MASP2: variants seen among roughly 807,000 people sequenced by gnomAD.
MASP2 encodes the protein MBL associated serine protease 2.
Under a neutral mutation model 57.1 loss-of-function variants are expected in MASP2, and 49 were observed. The observed-to-expected ratio is 0.86, with a 90% confidence interval of 0.68 to 1.09. MASP2 has a LOEUF of 1.09. MASP2 is among the 50% of genes least tolerant of loss of function. The pLI is 0.00. For synonymous variants in MASP2, 379 were observed against 340.8 expected, an observed-to-expected ratio of 1.11 and a Z score of -1.24; for missense variants, 900 against 874.8, an observed-to-expected ratio of 1.03 and a Z score of -0.36.
At chr1:11,034,477 C>G (rs551986372) in intron 8 of MASP2, among the ~76,000 whole-genome samples, 1 of 150,388 alleles carries the variant, frequency 6.6e-6, no homozygotes, top group African/African-American at 2.4e-5. Flanking sequence ...ACCGGTGGAT[C>G]ACTTGAGGTC....
Position 11,047,049 on chromosome 1 carries a change from C to T in MASP2, c.76G>A (p.Val26Met), listed in dbSNP as rs1362439394. ...CCGGGGGATGCCAGGCGCCCGAACA[C>T]AGGTTCAGGCCACTTCGGGCCCAAG... is the stretch of plus-strand genomic sequence containing the variant. ...TPLGPKWPEPVFGRLASPGFP... is the reference protein window; with the variant it reads ...TPLGPKWPEPMFGRLASPGFP... The change falls in exon 2 of 11, where the codon GTG (valine) becomes ATG (methionine). Residue 26 changes from valine to methionine, a missense_variant. Val to Met is a conservative substitution (Grantham distance 21). Coordinates refer to ENST00000400897, the MANE Select transcript of MASP2 (RefSeq NM_006610.4). The T allele has an allele frequency of 1.9e-6, 3 of 1,550,946 alleles. No individual in the cohort carries two copies. Among genetic ancestry groups the T allele is most frequent in the Admixed American group, 2.0e-5 (1 of 51,018 alleles).
At chr1:11,033,955 ACACACACACACTCTCT>A (rs1487969013) in intron 8 of MASP2, among the ~76,000 whole-genome samples, 122 of 69,620 alleles carry the variant, frequency 1.8e-3, no homozygotes, top group East Asian at 0.011. Flanking sequence ...ACACACACAC[ACACACACACACTCTCT>A]CTCTCTCTCT....
intron 10 of MASP2, among the ~76,000 whole-genome samples, chr1:11,028,658 A>G (rs941274404): frequency 1.3e-5 from 2 of 152,028 alleles, no homozygotes; most frequent in African/African-American, 4.8e-5. Flanking sequence ...ATTTGAGCCA[A>G]ATAACACAAG....
At position 11,030,801 on chromosome 1, in the gene MASP2, G is replaced by C. The variant is rs1643830882; in HGVS notation, c.1169C>G (p.Ala390Gly). ...ITGPGVTTYK[A>G]VIQYSCEETF... ...CTCTTCACAGCTGTACTGAATCACA[G>C]CTTTGTAGGTGGTCACTCCAGGACC... The change falls in exon 9 of 11, where the codon GCT becomes GGT. Residue 390 changes from alanine to glycine, a missense_variant. Ala to Gly is a moderately conservative substitution (Grantham distance 60). Transcript: ENST00000400897. 1 of 1,613,934 alleles carries C rather than the reference G, an allele frequency of 6.2e-7. No individual in the cohort carries two copies. Among genetic ancestry groups the C allele is most frequent in the East Asian group, 2.2e-5 (1 of 44,888 alleles).
intron 6 of MASP2, among the ~76,000 whole-genome samples, chr1:11,042,489 G>A (rs1638491048): frequency 6.6e-6 from 1 of 151,860 alleles, no homozygotes; most frequent in Non-Finnish European, 1.5e-5. Context: ...TAGAAGGATG[G>A]ATGGATAGGA....
Position 11,031,528 on chromosome 1 carries a change from TAAAAAA to T in MASP2, c.1088-652_1088-647del, listed in dbSNP as rs565771459. ...TGGGTGACAGAGCAAGACTCTGTCT[TAAAAAA>T]AAAAAAAAAAAAGGCTGCAGCGGAA... On this transcript the variant is annotated intron_variant, in intron 8 of 10. Transcript: ENST00000400897. 8.9e-5 allele frequency among the ~76,000 whole-genome samples: 6 copies of T among 67,502 alleles called. 1 individual carries two copies. Among genetic ancestry groups the T allele is most frequent in the South Asian group, 6.6e-4 (1 of 1,520 alleles). 44.3% of individuals were successfully genotyped at this position (67,502 alleles called of 152,430 possible). A position where few individuals can be genotyped will look rare whatever the true frequency, so the allele number is the denominator to read the frequency against.
At chr1:11,036,233 G>A (rs1051123178) in intron 7 of MASP2, among the ~76,000 whole-genome samples, 30 of 152,100 alleles carry the variant, frequency 2.0e-4, no homozygotes, top group Admixed American at 3.9e-4. Flanking sequence ...CGCCGGGCGC[G>A]GTGGCTCACG....
chr1:11,038,490 C>T (rs1238541704), intron 6 of MASP2, among the ~76,000 whole-genome samples: 1 of 152,164 alleles, frequency 6.6e-6, no homozygotes, highest in Non-Finnish European at 1.5e-5. Flanking sequence ...TCCACTCTGG[C>T]CCCCAAACCC....
Position 11,030,851 on chromosome 1 carries a change from G to A in MASP2, c.1119C>T (p.Pro373=). 6.2e-7 allele frequency: 1 copy of A among 1,613,750 alleles called. No homozygotes were observed. Among genetic ancestry groups the A allele is most frequent in the Non-Finnish European group, 8.5e-7 (1 of 1,179,852 alleles). ...IVDCGPPDDL[P]SGRVEYITGP... ...CTGTGATGTACTCCACTCGGCCACT[G>A]GGTAGATCATCAGGAGGGCCACAGT... is the stretch of plus-strand genomic sequence containing the variant. Residue 373 remains proline (P), a synonymous_variant, in exon 9 of 11, where the codon CCC becomes CCT. Coordinates refer to ENST00000400897, the MANE Select transcript of MASP2 (RefSeq NM_006610.4).
Position 11,030,808 on chromosome 1 carries a change from A to G in MASP2, c.1162T>C (p.Tyr388His). ...CAGCTGTACTGAATCACAGCTTTGT[A>G]GGTGGTCACTCCAGGACCTGTGATG... ...EYITGPGVTT[Y>H]KAVIQYSCEE... is the part of the protein sequence containing the mutation. The change falls in exon 9 of 11, where the codon TAC becomes CAC. Residue 388 changes from tyrosine (Y) to histidine (H), a missense_variant. Tyr to His is a moderately conservative substitution (Grantham distance 83, BLOSUM62 2). Coordinates refer to ENST00000400897, the MANE Select transcript of MASP2 (RefSeq NM_006610.4). The G allele has an allele frequency of 6.2e-7, 1 of 1,614,024 alleles. No homozygotes were observed. The highest frequency in any genetic ancestry group is 8.5e-7 in the Non-Finnish European group (1 of 1,179,912).
rs767182371 is a variant in MASP2 at position 11,027,018 on chromosome 1, TCACTATCTAGAAA to T, written c.1915_1927del (p.Phe639LysfsTer10). The T allele has an allele frequency of 6.3e-7, 1 of 1,598,934 alleles. No individual in the cohort carries two copies. The highest frequency in any genetic ancestry group is 1.1e-5 in the South Asian group (1 of 88,454). On this transcript the variant is annotated frameshift_variant, in exon 11 of 11. Transcript: ENST00000400897. LOFTEE classifies it high-confidence loss of function. ...TCCTCCCACAAACCACCTCTCTGTT[TCACTATCTAGAAA>T]CACCAGTGCCCCTCCGCTGTCACCT...
intron 5 of MASP2, 110 bp downstream of exon 5, chr1:11,043,229 G>T: frequency 9.3e-7 from 1 of 1,072,412 alleles, no homozygotes. Context: ...AAGAGGTGGG[G>T]GTCACCGAGG....
chr1:11,032,559 C>T (rs952547189), intron 8 of MASP2, among the ~76,000 whole-genome samples: 1 of 148,978 alleles, frequency 6.7e-6, no homozygotes, highest in African/African-American at 2.5e-5. Context: ...TTCAGTGAGT[C>T]GAGATTGTGC....
At position 11,045,506 on chromosome 1, in the gene MASP2, G is replaced by A. The variant is rs761179644; in HGVS notation, c.446C>T (p.Ala149Val). 128 of 1,609,604 alleles carry A rather than the reference G, an allele frequency of 8.0e-5. No individual in the cohort carries two copies. The highest frequency in any genetic ancestry group is 9.7e-5 in the Non-Finnish European group (114 of 1,179,188). ...GTGGCAGTGGTGGTCGCAGGTGGGC[G>A]CCTCTCCCGGGGCCACCTGGCACTC... ...IDECQVAPGE[A>V]PTCDHHCHNH... is the part of the protein sequence containing the mutation. The change falls in exon 4 of 11, where the codon GCG becomes GTG. Residue 149 changes from alanine (A) to valine (V), a missense_variant. Physicochemically the swap from Ala to Val is moderately conservative, Grantham distance 64. Coordinates refer to ENST00000400897, the MANE Select transcript of MASP2 (RefSeq NM_006610.4).
intron 4 of MASP2, among the ~76,000 whole-genome samples, 182 bp from the exon 5 acceptor site, chr1:11,043,717 C>T (rs914217375): frequency 5.9e-5 from 9 of 152,072 alleles, no homozygotes; most frequent in African/African-American, 1.9e-4. Context: ...AGAAACCAAA[C>T]GACCCACCCG....
rs557818484 is a variant in MASP2, at chr1:11,030,470, A to G, written c.1223-220T>C. On this transcript the variant is annotated intron_variant, in intron 9 of 10. Coordinates refer to ENST00000400897, the MANE Select transcript of MASP2 (RefSeq NM_006610.4). ...AGATGTGTAACTTGAATATGTATCA[A>G]GATCTCAAGTGCTTAATGATAAGGT... 27 of 582,052 alleles carry G rather than the reference A, an allele frequency of 4.6e-5. No individual in the cohort carries two copies. The East Asian group carries it at 5.2e-4, about 11-fold the overall frequency. 36.1% of individuals were successfully genotyped at this position (582,052 alleles called of 1,614,324 possible).
At chr1:11,041,233 T>C in intron 6 of MASP2, among the ~76,000 whole-genome samples, 1 of 144,268 alleles carries the variant, frequency 6.9e-6, no homozygotes, top group East Asian at 2.1e-4. Flanking sequence ...GGTAGATGAA[T>C]AGGATGGGTG....
intron 9 of MASP2, 169 bp from the exon 10 acceptor site, chr1:11,030,419 G>T: frequency 1.7e-6 from 1 of 598,292 alleles, no homozygotes; most frequent in South Asian, 2.1e-5. Flanking sequence ...GCATTACCAT[G>T]TTTGCTTGCA....
chr1:11,044,767 C>CCA, intron 4 of MASP2: 1 of 1,235,648 alleles, frequency 8.1e-7, no homozygotes, highest in Non-Finnish European at 1.1e-6. Flanking sequence ...CGCCTCCCGA[C>CCA]CCTCCCACCC....
Sources: allele counts gnomAD v4.1 joint callset (sites outside exome capture counted in the v4.1 genomes callset), GRCh38; gene constraint gnomAD v4.1.1; transcripts MANE v1.5; gene names NCBI Gene and HGNC (gene_info 2026-07-23, HGNC 2026-07-21).